The following PXDNL variants were observed in gnomAD, a reference collection of about 807,000 sequenced individuals.
The protein encoded by PXDNL is probable oxidoreductase PXDNL.
Under a neutral mutation model 150.8 loss-of-function variants are expected in PXDNL, and 145 were observed. The ratio of observed to expected loss-of-function variants is 0.96; its 90% CI spans 0.84 to 1.10. The LOEUF (loss-of-function observed/expected upper bound fraction) is 1.10. PXDNL is among the 50% of genes least tolerant of loss of function. The pLI is 0.00. For missense variants in PXDNL, 2,087 were observed against 1,873.9 expected (o/e 1.11, Z -2.10); for synonymous variants, 757 against 725.7 (o/e 1.04, Z -0.69).
intron 1 of PXDNL, among the ~76,000 whole-genome samples, chr8:51,718,902 C>T (rs1053983228): frequency 3.3e-5 from 5 of 151,982 alleles, no homozygotes; most frequent in Non-Finnish European, 5.9e-5. Context: ...AAAAATCAGA[C>T]TTCCTCCCTC....
chr8:51,603,212 C>T (rs891674983), intron 2 of PXDNL, among the ~76,000 whole-genome samples: 1 of 151,520 alleles, frequency 6.6e-6, no homozygotes, highest in Non-Finnish European at 1.5e-5. Flanking sequence ...AGTTTCTACC[C>T]CTCTTTTTTA....
At chr8:51,617,839 A>G (rs1294840400) in intron 2 of PXDNL, among the ~76,000 whole-genome samples, 5 of 152,278 alleles carry the variant, frequency 3.3e-5, no homozygotes. Flanking sequence ...GGGAAGAGAA[A>G]GCCAAGAAAG....
At chr8:51,544,305 G>C (rs138267165) in intron 4 of PXDNL, among the ~76,000 whole-genome samples, 6 of 152,224 alleles carry the variant, frequency 3.9e-5, no homozygotes, top group African/African-American at 1.4e-4. Flanking sequence ...CAGGTAGGTG[G>C]GGAGGGGTGA....
At chr8:51,373,072 T>C (rs1192557156) in intron 18 of PXDNL, among the ~76,000 whole-genome samples, 1 of 152,210 alleles carries the variant, frequency 6.6e-6, no homozygotes, top group East Asian at 1.9e-4. Flanking sequence ...ATGTATATGT[T>C]GAAGTCCTAT....
chr8:51,786,260 G>A (rs936668420), intron 1 of PXDNL, among the ~76,000 whole-genome samples: 72 of 152,044 alleles, frequency 4.7e-4, no homozygotes, highest in African/African-American at 1.6e-3. Flanking sequence ...CCCGGCTGGA[G>A]TGCAGTAGCA....
At position 51,778,166 on chromosome 8, in the gene PXDNL, C is replaced by T. The variant is rs185305854; in HGVS notation, c.164+31015G>A. Among the ~76,000 whole-genome samples, 179 of 151,994 alleles carry T rather than the reference C, an allele frequency of 1.2e-3. 1 individual carries two copies. Among genetic ancestry groups the T allele is most frequent in the African/African-American group, 4.2e-3 (173 of 41,454 alleles). On this transcript the variant is annotated intron_variant, in intron 1 of 22. Coordinates refer to ENST00000356297, the MANE Select transcript of PXDNL (RefSeq NM_144651.5). ...CCTGGCTAACACAATGAAACCCCTA[C>T]TAAAAATGAAGCTGAGGCAGGAGAA...
At chr8:51,756,745 T>C (rs1261417965) in intron 1 of PXDNL, among the ~76,000 whole-genome samples, 1 of 152,190 alleles carries the variant, frequency 6.6e-6, no homozygotes, top group East Asian at 1.9e-4. Context: ...TCATTATGCA[T>C]TAAAAGATAA....
chr8:51,364,561 G>A (rs2915492), intron 19 of PXDNL, among the ~76,000 whole-genome samples: 115,148 of 152,120 alleles, frequency 0.76, 44,641 homozygotes, highest in East Asian at 0.94. Flanking sequence ...GTGGACTCAT[G>A]GGGTATACTT....
intron 4 of PXDNL, among the ~76,000 whole-genome samples, chr8:51,529,079 T>C (rs979676844): frequency 4.6e-5 from 7 of 152,212 alleles, no homozygotes; most frequent in Non-Finnish European, 1.0e-4. Flanking sequence ...TTATGGACGA[T>C]GTCAGGTTTT....
intron 1 of PXDNL, among the ~76,000 whole-genome samples, chr8:51,689,842 G>C (rs1286271287): frequency 6.6e-6 from 1 of 152,202 alleles, no homozygotes; most frequent in African/African-American, 2.4e-5. Flanking sequence ...CACTCAACTA[G>C]CACAGATTTA....
chr8:51,424,517 A>G (rs543309532), intron 13 of PXDNL, among the ~76,000 whole-genome samples: 12 of 135,558 alleles, frequency 8.9e-5, no homozygotes, highest in Admixed American at 5.0e-4. Context: ...CTACACTGAT[A>G]TGTGTATTAT....
rs367581716 is a variant in PXDNL, at chr8:51,320,773, G to T, written c.4260+11C>A. 6.9e-6 allele frequency: 11 copies of T among 1,602,318 alleles called. No homozygotes were observed. Among genetic ancestry groups the T allele is most frequent in the Non-Finnish European group, 9.4e-6 (11 of 1,170,918 alleles). The stretch of plus-strand genomic sequence containing the variant: ...AATGGGGAGTTGGACTGGAAAACTC[G>T]CAGCACAAACCTCACAAATGCAGTG... On this transcript the variant is annotated intron_variant, in intron 22 of 22. Coordinates refer to ENST00000356297, the MANE Select transcript of PXDNL (RefSeq NM_144651.5).
rs562857918 is a variant in PXDNL at position 51,577,609 on chromosome 8, T to TATATATAA, written c.308+15017_308+15018insTTATATAT. ...ATCTATCTACATATATATATATATA[T>TATATATAA]AATCAGGCTAAAAAAGAAGTTATAT... On this transcript the variant is annotated intron_variant, in intron 3 of 22. Transcript: ENST00000356297. Among the ~76,000 whole-genome samples the TATATATAA allele has an allele frequency of 5.1e-3, 760 of 147,710 alleles. 7 individuals are homozygous for TATATATAA. Among genetic ancestry groups the TATATATAA allele is most frequent in the Middle Eastern group, 0.014 (4 of 284 alleles).
In PXDNL at chr8:51,803,696, C is replaced by T. The variant is rs374542733; in HGVS notation, c.164+5485G>A. Among the ~76,000 whole-genome samples the T allele has an allele frequency of 3.9e-5, 6 of 152,334 alleles. No individual in the cohort carries two copies. In the South Asian group the frequency reaches 1.0e-3, roughly 26 times the overall value. Reference sequence around the variant, plus strand: ...GTTGTGCAGTACACAGCCTACACAACCACTGGTGACCGTCCTGGCTTTTGT... The same window carrying T: ...GTTGTGCAGTACACAGCCTACACAATCACTGGTGACCGTCCTGGCTTTTGT... On this transcript the variant is annotated intron_variant, in intron 1 of 22. Coordinates refer to ENST00000356297, the MANE Select transcript of PXDNL (RefSeq NM_144651.5).
In PXDNL at chr8:51,566,110, C is replaced by A. The variant is rs117787209; in HGVS notation, c.309-9199G>T. Among the ~76,000 whole-genome samples, 1,144 of 151,916 alleles carry A rather than the reference C, an allele frequency of 7.5e-3. 8 individuals are homozygous for A. The highest frequency in any genetic ancestry group is 0.013 in the Non-Finnish European group (907 of 67,878). On this transcript the variant is annotated intron_variant, in intron 3 of 22. Coordinates refer to ENST00000356297, the MANE Select transcript of PXDNL (RefSeq NM_144651.5). ...CTGTTGATATGATGGATTACATTATCTGATTTTCAAATGTTGAACCACCTT... is the reference window on the plus strand; with the variant it reads ...CTGTTGATATGATGGATTACATTATATGATTTTCAAATGTTGAACCACCTT...
intron 3 of PXDNL, among the ~76,000 whole-genome samples, chr8:51,579,063 A>C (rs1181295796): frequency 2.6e-5 from 4 of 152,094 alleles, no homozygotes; most frequent in Non-Finnish European, 4.4e-5. Flanking sequence ...GAACTGTGAG[A>C]CTTGACACCA....
intron 21 of PXDNL, among the ~76,000 whole-genome samples, chr8:51,337,995 A>G (rs1376333157): frequency 6.6e-6 from 1 of 152,030 alleles, no homozygotes; most frequent in Non-Finnish European, 1.5e-5. Context: ...CCTGGCCAAC[A>G]TGGCAAAACC....
chr8:51,728,325 A>T (rs765371739), intron 1 of PXDNL, among the ~76,000 whole-genome samples: 2 of 152,226 alleles, frequency 1.3e-5, no homozygotes, highest in Non-Finnish European at 1.5e-5. Flanking sequence ...ACTTTTAATC[A>T]TTATTTTAGT....
intron 1 of PXDNL, among the ~76,000 whole-genome samples, chr8:51,702,964 T>C (rs973113412): frequency 2.0e-5 from 3 of 152,166 alleles, no homozygotes; most frequent in African/African-American, 7.2e-5. Flanking sequence ...ACATTTTTCA[T>C]TATCTCATTT....
Sources: allele counts gnomAD v4.1 joint callset (sites outside exome capture counted in the v4.1 genomes callset), GRCh38; gene constraint gnomAD v4.1.1; transcripts MANE v1.5; gene names NCBI Gene and HGNC (gene_info 2026-07-23, HGNC 2026-07-21).